The following PDK4 variants were observed in gnomAD, a reference collection of about 807,000 sequenced individuals.
PDK4 encodes pyruvate dehydrogenase kinase, isozyme 4.
Under a neutral mutation model 51.7 loss-of-function variants are expected in PDK4, and 43 were observed. That is an observed-to-expected ratio of 0.83 (90% confidence interval 0.65 to 1.07). The LOEUF (loss-of-function observed/expected upper bound fraction) is 1.07, where lower values mean the gene tolerates loss of function less well. Ranked by LOEUF, PDK4 falls within the 50% of genes least tolerant of loss-of-function variation. The pLI is 0.00. For synonymous variants in PDK4, 170 were observed against 176.6 expected (o/e 0.96, Z 0.30); for missense variants, 498 against 503.5 (o/e 0.99, Z 0.10).
chr7:95,585,551 G>C lies in PDK4; in HGVS notation c.*90C>G. ...AGTTTTCGTTGCTGTCGTTTGTTTTGGAGGAAACAAGGGTTCACACACAAA... is the reference window on the plus strand; with the variant it reads ...AGTTTTCGTTGCTGTCGTTTGTTTTCGAGGAAACAAGGGTTCACACACAAA... On this transcript the variant is annotated 3_prime_UTR_variant, in exon 11 of 11. Transcript: ENST00000005178. 9.5e-7 allele frequency: 1 copy of C among 1,057,876 alleles called. No homozygotes were observed. The highest frequency in any genetic ancestry group is 1.6e-5 in the African/African-American group (1 of 63,110). The allele number at this position is 1,057,876 out of a possible 1,614,324, so 65.5% of individuals were successfully genotyped here.
chr7:95,589,811 G>T (rs1001123300), intron 6 of PDK4, 95 bp from the exon 7 acceptor site: 3 of 735,868 alleles, frequency 4.1e-6, no homozygotes, highest in Non-Finnish European at 7.2e-6. Context: ...CTTCAAGAGG[G>T]TTGGCATATT....
At chr7:95,594,657 A>T (rs1261022770) in intron 2 of PDK4, 1 of 154,490 alleles carries the variant, frequency 6.5e-6, no homozygotes, top group Non-Finnish European at 1.4e-5. Context: ...GCCTTCCCTA[A>T]ATAGCAGTCA....
chr7:95,586,940 A>G (rs1431633868), intron 10 of PDK4, 70 bp downstream of exon 10: 4 of 843,094 alleles, frequency 4.7e-6, no homozygotes, highest in Non-Finnish European at 6.0e-6. Context: ...ACTCCAGACC[A>G]TAGCACTCAA....
chr7:95,594,430 G>GT lies in PDK4; in HGVS notation c.272+592dup, dbSNP rs11308239. ...TGTGTGCCAAGTGCTGTCCTAAGTG[G>GT]TTTTTTTTTTCTTTTTTATGGATTA... On this transcript the variant is annotated intron_variant, in intron 2 of 10. Coordinates refer to ENST00000005178, the MANE Select transcript of PDK4 (RefSeq NM_002612.4). 9.0e-3 allele frequency among the ~76,000 whole-genome samples: 1,351 copies of GT among 149,594 alleles called. 3 individuals are homozygous for GT. Among genetic ancestry groups the GT allele is most frequent in the Non-Finnish European group, 0.013 (897 of 67,248 alleles).
intron 10 of PDK4, among the ~76,000 whole-genome samples, chr7:95,586,231 G>A (rs1043629863): frequency 8.2e-6 from 1 of 122,300 alleles, no homozygotes; most frequent in South Asian, 2.6e-4. Context: ...GTCTAGCTCT[G>A]TTGCCCAAGC....
Position 95,587,024 on chromosome 7 carries a change from T to C in PDK4, c.1081A>G (p.Ile361Val). ...TCAAGGGATACCTTTAAGTAGATGA[T>C]AGCATCTGTTCCATATCCTGATAAA... Reference protein sequence around the residue: ...YSLSGYGTDAIIYLKALSSES... With the variant: ...YSLSGYGTDAVIYLKALSSES... Residue 361 changes from isoleucine to valine, a missense_variant, in exon 10 of 11, where the codon ATC becomes GTC. Ile to Val is a conservative substitution (Grantham distance 29). Transcript: ENST00000005178. 4 of 1,556,884 alleles carry C rather than the reference T, an allele frequency of 2.6e-6. No individual in the cohort carries two copies. In the East Asian group the frequency reaches 6.7e-5, roughly 26 times the overall value.
intron 7 of PDK4, among the ~76,000 whole-genome samples, chr7:95,588,461 C>A (rs1791513773): frequency 6.6e-6 from 1 of 152,194 alleles, no homozygotes; most frequent in Admixed American, 6.5e-5. Context: ...CGTCTATTGG[C>A]TGAATCTCAT....
Position 95,584,062 on chromosome 7 carries a change from A to G in PDK4, c.*1579T>C, listed in dbSNP as rs1011253582. 28 of 152,202 alleles carry G rather than the reference A, an allele frequency of 1.8e-4. No homozygotes were observed. Among genetic ancestry groups the G allele is most frequent in the Admixed American group, 1.7e-3 (26 of 15,284 alleles). 9.4% of individuals were successfully genotyped at this position (152,202 alleles called of 1,614,324 possible). A position where few individuals can be genotyped will look rare whatever the true frequency, so the allele number is the denominator to read the frequency against. ...TACACACAAATGTCAAATTCAACAT[A>G]TAAACCATACTGATTATTTTACAAT... On this transcript the variant is annotated 3_prime_UTR_variant, in exon 11 of 11. Coordinates refer to ENST00000005178, the MANE Select transcript of PDK4 (RefSeq NM_002612.4).
At chr7:95,587,872 G>T (rs773690779) in intron 7 of PDK4, 47 bp from the exon 8 acceptor site, 1 of 1,133,648 alleles carries the variant, frequency 8.8e-7, no homozygotes, top group Non-Finnish European at 1.3e-6. Flanking sequence ...AGGAATGAGG[G>T]ACAATAAATG....
At chr7:95,587,564 T>G (rs768873915) in intron 8 of PDK4, 36 bp from the exon 9 acceptor site, 2 of 1,373,222 alleles carry the variant, frequency 1.5e-6, no homozygotes, top group South Asian at 2.3e-5. Flanking sequence ...AGCCACACAT[T>G]AAAAACAATG....
At chr7:95,588,036 G>A (rs1173338855) in intron 7 of PDK4, among the ~76,000 whole-genome samples, 1 of 152,132 alleles carries the variant, frequency 6.6e-6, no homozygotes, top group African/African-American at 2.4e-5. Flanking sequence ...ATGTAATATA[G>A]CTCCTGGGAG....
rs754025990 is a variant in PDK4, at chr7:95,593,689, T to C, written c.344+10A>G. 1.5e-6 allele frequency: 2 copies of C among 1,339,976 alleles called. No individual in the cohort carries two copies. The highest frequency in any genetic ancestry group is 2.3e-5 in the East Asian group (1 of 43,576). 83.0% of individuals were successfully genotyped at this position (1,339,976 alleles called of 1,614,324 possible). On this transcript the variant is annotated intron_variant, in intron 3 of 10. Transcript: ENST00000005178. ...AGTTTTAAACACTTATTCTAATGCA[T>C]AGAGCTTACTCTGATAATGCTTTCT...
In PDK4 at chr7:95,585,395, T is replaced by A. The variant is rs1791468087; in HGVS notation, c.*246A>T. The A allele has an allele frequency of 3.0e-6, 1 of 334,644 alleles. No homozygotes were observed. The allele number at this position is 334,644 out of a possible 1,614,324, so 20.7% of individuals were successfully genotyped here. ...AGGCTTATTTCTTCAGGATTTGATA[T>A]AAACTCAGGAGTTATTCTACATTAA... is the stretch of plus-strand genomic sequence containing the variant. On this transcript the variant is annotated 3_prime_UTR_variant, in exon 11 of 11. Coordinates refer to ENST00000005178, the MANE Select transcript of PDK4 (RefSeq NM_002612.4).
rs759412155 is a variant in PDK4 at position 95,587,722 on chromosome 7, G to T, written c.870+5C>A. ...ACACCCAAAAGGAAAACAGAGAATG[G>T]TTACCTTAATGGTAAGGTCTTCTTT... On this transcript the variant is annotated splice_donor_5th_base_variant and intron_variant, in intron 8 of 10. Coordinates refer to ENST00000005178, the MANE Select transcript of PDK4 (RefSeq NM_002612.4). The T allele has an allele frequency of 3.2e-6, 5 of 1,567,120 alleles. No homozygotes were observed. The highest frequency in any genetic ancestry group is 1.1e-5 in the South Asian group (1 of 90,140).
rs78819871 is a variant in PDK4 at position 95,596,067 on chromosome 7, T to C, written c.130+97A>G. ...GCTCAGCAGCAAAGTGAACCCCAGTTGTTTTAGCTTGAGCCTAGCCCTCCC... is the reference window on the plus strand; with the variant it reads ...GCTCAGCAGCAAAGTGAACCCCAGTCGTTTTAGCTTGAGCCTAGCCCTCCC... On this transcript the variant is annotated intron_variant, in intron 1 of 10. Transcript: ENST00000005178. The C allele has an allele frequency of 9.7e-3, 12,656 of 1,306,564 alleles. 1,107 individuals are homozygous for C. The African/African-American group carries it at 0.18, about 18-fold the overall frequency. The allele number at this position is 1,306,564 out of a possible 1,614,324, so 80.9% of individuals were successfully genotyped here. A position where few individuals can be genotyped will look rare whatever the true frequency, so the allele number is the denominator to read the frequency against.
At chr7:95,587,955 T>G (rs1791508014) in intron 7 of PDK4, 130 bp from the exon 8 acceptor site, 1 of 644,226 alleles carries the variant, frequency 1.6e-6, no homozygotes, top group Non-Finnish European at 2.7e-6. Context: ...AAGTTAGTAG[T>G]AAAACAGCTT....
intron 1 of PDK4, among the ~76,000 whole-genome samples, chr7:95,595,477 G>GT (rs1488526297): frequency 3.9e-5 from 6 of 152,142 alleles, no homozygotes. Flanking sequence ...AAAGACTGCA[G>GT]GATTCGGTCA....
At position 95,592,564 on chromosome 7, in the gene PDK4, G is replaced by C; in HGVS notation, c.563C>G (p.Pro188Arg). ...LIFSDSQTGNPSHIGSIDPNC... is the reference protein window; with the variant it reads ...LIFSDSQTGNRSHIGSIDPNC... ...AGGATCAATGCTTCCAATGTGGCTT[G>C]GGTTTCCTGTCTGTGAGTCACTAAA... The change falls in exon 5 of 11, where the codon CCA becomes CGA. Residue 188 changes from proline to arginine, a missense_variant. Physicochemically the swap from Pro to Arg is moderately radical, Grantham distance 103. Coordinates refer to ENST00000005178, the MANE Select transcript of PDK4 (RefSeq NM_002612.4). 6.2e-7 allele frequency: 1 copy of C among 1,610,566 alleles called. No individual in the cohort carries two copies. The highest frequency in any genetic ancestry group is 8.5e-7 in the Non-Finnish European group (1 of 1,176,910).
chr7:95,593,151 T>C lies in PDK4; in HGVS notation c.345-207A>G, dbSNP rs1226882956. ...TAATTTCACAAACAGACTCATTTTG[T>C]TTCTAGCTTATATGTAAAACTATTA... On this transcript the variant is annotated intron_variant, in intron 3 of 10. Coordinates refer to ENST00000005178, the MANE Select transcript of PDK4 (RefSeq NM_002612.4). 2.0e-5 allele frequency among the ~76,000 whole-genome samples: 3 copies of C among 152,246 alleles called. No homozygotes were observed. The East Asian group carries it at 5.8e-4, about 29-fold the overall frequency.
Sources: gnomAD v4.1 joint callset for allele counts (sites outside exome capture counted in the v4.1 genomes callset) on GRCh38, gnomAD v4.1.1 for gene constraint, MANE v1.5 for transcripts, NCBI Gene and HGNC (gene_info 2026-07-23, HGNC 2026-07-21) for gene names.